The following MLIP variants were observed in gnomAD, a reference collection of about 807,000 sequenced individuals.
The protein encoded by MLIP is muscular LMNA-interacting protein.
Under a neutral mutation model 84.8 loss-of-function variants are expected in MLIP, and 79 were observed. That is an observed-to-expected ratio of 0.93 (90% confidence interval 0.78 to 1.12). The LOEUF (loss-of-function observed/expected upper bound fraction) is 1.12, where lower values mean the gene tolerates loss of function less well. Among genes scored for constraint, MLIP ranks in the 50% most tolerant of loss-of-function variants. The pLI is 0.00. For synonymous variants in MLIP, 504 were observed against 463.0 expected, an observed-to-expected ratio of 1.09 and a Z score of -1.14; for missense variants, 1,257 against 1,160.6, an observed-to-expected ratio of 1.08 and a Z score of -1.21.
At chr6:54,133,461 C>G (rs1481793503) in intron 3 of MLIP, among the ~76,000 whole-genome samples, 1 of 152,128 alleles carries the variant, frequency 6.6e-6, no homozygotes, top group African/African-American at 2.4e-5. Context: ...CCTCATGTAG[C>G]TGTACAGATT....
At chr6:54,116,095 G>A (rs1769893511) in intron 1 of MLIP, among the ~76,000 whole-genome samples, 2 of 152,098 alleles carry the variant, frequency 1.3e-5, no homozygotes, top group South Asian at 2.1e-4. Flanking sequence ...CAGAGCCTAG[G>A]GTTTCTCATG....
Position 54,160,609 on chromosome 6 carries a change from T to C in MLIP, c.2439+10T>C. 1 of 1,600,494 alleles carries C rather than the reference T, an allele frequency of 6.2e-7. No homozygotes were observed. The highest frequency in any genetic ancestry group is 8.6e-7 in the Non-Finnish European group (1 of 1,169,546). On this transcript the variant is annotated intron_variant, in intron 7 of 13. Coordinates refer to ENST00000502396, the MANE Select transcript of MLIP (RefSeq NM_001281747.2). ...GGATTCCTTGTCTATGGTAATGCTT[T>C]AGACTAGAATGTGCAATTCAAACAT...
At chr6:54,261,157 G>A (rs527709794) in intron 13 of MLIP, among the ~76,000 whole-genome samples, 2 of 152,132 alleles carry the variant, frequency 1.3e-5, no homozygotes, top group South Asian at 2.1e-4. Context: ...TTAAATTCTA[G>A]TAGTGACAAT....
chr6:54,173,624 G>A (rs1775983309), intron 9 of MLIP, among the ~76,000 whole-genome samples: 1 of 151,530 alleles, frequency 6.6e-6, no homozygotes, highest in Non-Finnish European at 1.5e-5. Flanking sequence ...GGTATGTATG[G>A]GGTACATGAG....
At chr6:54,251,202 A>G (rs1782453920) in intron 12 of MLIP, among the ~76,000 whole-genome samples, 1 of 151,758 alleles carries the variant, frequency 6.6e-6, no homozygotes, top group South Asian at 2.1e-4. Context: ...TCATTTCATC[A>G]ATTTATACAA....
At chr6:54,049,646 G>C (rs1254321789) in intron 1 of MLIP, among the ~76,000 whole-genome samples, 1 of 152,050 alleles carries the variant, frequency 6.6e-6, no homozygotes, top group Non-Finnish European at 1.5e-5. Context: ...TACAAGATGG[G>C]CTCTGTATGC....
At position 54,064,340 on chromosome 6, in the gene MLIP, C is replaced by G. The variant is rs1005117844; in HGVS notation, c.63+45249C>G. Among the ~76,000 whole-genome samples, 15 of 99,954 alleles carry G rather than the reference C, an allele frequency of 1.5e-4. 3 individuals carry two copies. Among genetic ancestry groups the G allele is most frequent in the African/African-American group, 3.8e-4 (15 of 39,062 alleles). 65.6% of individuals were successfully genotyped at this position (99,954 alleles called of 152,430 possible). On this transcript the variant is annotated intron_variant, in intron 1 of 12. Transcript: ENST00000274897. Reference sequence around the variant, plus strand: ...TGTTGATGGTTAAAGGTTTGTCACCCTTCGGCTTGCTGCCCTGCACAATCA... The same window carrying G: ...TGTTGATGGTTAAAGGTTTGTCACCGTTCGGCTTGCTGCCCTGCACAATCA...
intron 1 of MLIP, among the ~76,000 whole-genome samples, chr6:54,048,491 A>C (rs533528613): frequency 7.0e-4 from 106 of 152,168 alleles, no homozygotes; most frequent in Admixed American, 1.0e-3. Context: ...TTGGGCATGC[A>C]CCCAGTTTAC....
chr6:54,044,111 T>A (rs1047590399), intron 1 of MLIP, among the ~76,000 whole-genome samples: 1 of 152,230 alleles, frequency 6.6e-6, no homozygotes, highest in Non-Finnish European at 1.5e-5. Flanking sequence ...ACTTATCATT[T>A]TGTTGCTGGT....
At chr6:54,172,912 A>G (rs1271712903) in intron 9 of MLIP, among the ~76,000 whole-genome samples, 3 of 151,688 alleles carry the variant, frequency 2.0e-5, no homozygotes, top group Non-Finnish European at 4.4e-5. Flanking sequence ...CTATTTTACA[A>G]TAATTTAATT....
Position 54,215,270 on chromosome 6 carries a change from G to T in MLIP, c.2718+13037G>T, listed in dbSNP as rs557583812. 3.1e-5 allele frequency: 46 copies of T among 1,488,760 alleles called. No homozygotes were observed. In the African/African-American group the frequency reaches 5.4e-4, roughly 17 times the overall value. 92.2% of individuals were successfully genotyped at this position (1,488,760 alleles called of 1,614,324 possible). On this transcript the variant is annotated intron_variant, in intron 11 of 13. Coordinates refer to ENST00000502396, the MANE Select transcript of MLIP (RefSeq NM_001281747.2). ...TGACTTTCCTACTTCCTGAAAAAGA[G>T]AAAAAGACGATGATAGAATTCAATG...
chr6:54,161,921 A>G (rs1304123764), intron 8 of MLIP, among the ~76,000 whole-genome samples: 1 of 151,896 alleles, frequency 6.6e-6, no homozygotes, highest in Non-Finnish European at 1.5e-5. Flanking sequence ...TATTTCATTC[A>G]TTGAACATGT....
At chr6:54,087,811 A>G (rs111279022) in intron 1 of MLIP, among the ~76,000 whole-genome samples, 8 of 96,542 alleles carry the variant, frequency 8.3e-5, no homozygotes, top group African/African-American at 2.4e-4. Flanking sequence ...TATGGGAAAG[A>G]TACTCTTTTT....
Position 54,032,762 on chromosome 6 carries a change from T to C in MLIP, c.63+13671T>C, listed in dbSNP as rs1296689355. On this transcript the variant is annotated intron_variant, in intron 1 of 12. Transcript: ENST00000274897. ...AGAGACAGGGTTTTGCCATGTTGGCTAGGCTGGTCTTCAACTCCTGGCCTC... is the reference window on the plus strand; with the variant it reads ...AGAGACAGGGTTTTGCCATGTTGGCCAGGCTGGTCTTCAACTCCTGGCCTC... Among the ~76,000 whole-genome samples the C allele has an allele frequency of 2.6e-5, 4 of 152,054 alleles. No individual in the cohort carries two copies. In the South Asian group the frequency reaches 6.2e-4, roughly 24 times the overall value.
intron 10 of MLIP, among the ~76,000 whole-genome samples, chr6:54,195,026 A>G (rs1778199261): frequency 1.3e-5 from 2 of 152,190 alleles, no homozygotes; most frequent in South Asian, 2.1e-4. Flanking sequence ...AATCAGGTAA[A>G]TAATCTAGAG....
In MLIP at chr6:54,136,853, A is replaced by G. The variant is rs1341240606; in HGVS notation, c.784A>G (p.Arg262Gly). The G allele has an allele frequency of 1.8e-5, 27 of 1,535,124 alleles. No homozygotes were observed. The highest frequency in any genetic ancestry group is 2.3e-5 in the Non-Finnish European group (26 of 1,146,110). ...CTCTGTCCTAGAGGAGTTCCACACT[A>G]GGAGGCTGGATGTCGGTGGGGCCGT... ...GASVLEEFHT[R>G]RLDVGGAVVE... Residue 262 changes from arginine (R) to glycine (G), a missense_variant, in exon 4 of 14, where the codon AGG becomes GGG. Arg to Gly is a moderately radical substitution (Grantham distance 125). Coordinates refer to ENST00000502396, the MANE Select transcript of MLIP (RefSeq NM_001281747.2).
At chr6:54,180,052 A>G (rs143084398) in intron 9 of MLIP, among the ~76,000 whole-genome samples, 2 of 152,034 alleles carry the variant, frequency 1.3e-5, no homozygotes, top group Non-Finnish European at 2.9e-5. Flanking sequence ...TGCTTGGAGG[A>G]TATTTTCACC....
chr6:54,177,618 T>C (rs1353609905), intron 9 of MLIP, among the ~76,000 whole-genome samples: 2 of 151,992 alleles, frequency 1.3e-5, no homozygotes, highest in African/African-American at 4.8e-5. Flanking sequence ...ACTTCAACCA[T>C]TGTGGAAGAC....
At chr6:54,110,008 A>G (rs1395318966), upstream of MLIP, among the ~76,000 whole-genome samples, 1 of 72,670 alleles carries the variant, frequency 1.4e-5, no homozygotes, top group African/African-American at 4.9e-5. Flanking sequence ...TTTTTGACGG[A>G]GTCTCGCTGT....
Sources: gnomAD v4.1 joint callset for allele counts (sites outside exome capture counted in the v4.1 genomes callset) on GRCh38, gnomAD v4.1.1 for gene constraint, MANE v1.5 for transcripts, NCBI Gene and HGNC (gene_info 2026-07-23, HGNC 2026-07-21) for gene names.